The following PRELID2 variants were observed in gnomAD, a reference collection of about 807,000 sequenced individuals.
PRELID2 encodes the protein PRELI domain-containing protein 2.
In PRELID2, 25 loss-of-function variants were observed where a neutral mutation model predicts 28.4. That is an observed-to-expected ratio of 0.88 (90% CI 0.64 to 1.23). The LOEUF is 1.23. Ranked by LOEUF, PRELID2 falls within the 50% of genes most tolerant of loss-of-function variation. PRELID2 has a pLI of 0.00. For missense variants in PRELID2, 201 were observed against 214.4 expected (o/e 0.94, Z 0.39); for synonymous variants, 76 against 71.6 (o/e 1.06, Z -0.31).
At chr5:145,391,582 C>T in the PRELID2 span, among the ~76,000 whole-genome samples, 1 of 152,136 alleles carries the variant, frequency 6.6e-6, no homozygotes, top group Non-Finnish European at 1.5e-5. Flanking sequence ...TCTGACATGC[C>T]CTGGAGATAT....
intron 1 of PRELID2, among the ~76,000 whole-genome samples, chr5:145,569,274 T>C (rs1752996686): frequency 1.3e-5 from 2 of 152,238 alleles, no homozygotes; most frequent in Non-Finnish European, 2.9e-5. Flanking sequence ...ACTTATTACT[T>C]GATTGGCAGT....
chr5:145,294,919 G>A, the PRELID2 span, among the ~76,000 whole-genome samples: 1 of 152,236 alleles, frequency 6.6e-6, no homozygotes. Context: ...TGAGAAGGTT[G>A]CTGTCCAAAC....
intron 1 of PRELID2, among the ~76,000 whole-genome samples, chr5:145,684,268 G>C (rs1029701558): frequency 6.6e-5 from 10 of 152,186 alleles, no homozygotes; most frequent in African/African-American, 1.2e-4. Context: ...TTTGGTTCTA[G>C]TCCAGGCTCA....
chr5:145,341,750 C>T, the PRELID2 span, among the ~76,000 whole-genome samples: 1 of 149,784 alleles, frequency 6.7e-6, no homozygotes, highest in African/African-American at 2.5e-5. Flanking sequence ...GCATTTGTAA[C>T]ATTTGGGACA....
intron 1 of PRELID2, among the ~76,000 whole-genome samples, chr5:145,570,689 G>T (rs1416071257): frequency 6.6e-6 from 1 of 152,110 alleles, no homozygotes; most frequent in African/African-American, 2.4e-5. Context: ...CACTTGTCCA[G>T]CTATCACTAT....
chr5:145,422,409 T>G, the PRELID2 span, among the ~76,000 whole-genome samples: 23 of 152,196 alleles, frequency 1.5e-4, no homozygotes, highest in Non-Finnish European at 2.6e-4. Context: ...TTGTGAATCT[T>G]GGTGCTCCTG....
Position 145,654,333 on chromosome 5 carries a change from G to A in PRELID2, n.70+110598C>T, listed in dbSNP as rs546378681. Reference sequence around the variant, plus strand: ...CTACCAGATGTACAAGGAGTAGCTGGTACCATTACTTCTGAAAATATTCCA... The same window carrying A: ...CTACCAGATGTACAAGGAGTAGCTGATACCATTACTTCTGAAAATATTCCA... On this transcript the variant is annotated intron_variant and non_coding_transcript_variant, in intron 1 of 2. Coordinates refer to the PRELID2 transcript ENST00000510259. 2.7e-3 allele frequency among the ~76,000 whole-genome samples: 417 copies of A among 152,300 alleles called. 1 individual carries two copies. Among genetic ancestry groups the A allele is most frequent in the Non-Finnish European group, 4.9e-3 (334 of 68,036 alleles).
intron 1 of PRELID2, among the ~76,000 whole-genome samples, chr5:145,591,157 A>C (rs1753221250): frequency 6.6e-6 from 1 of 152,002 alleles, no homozygotes; most frequent in Non-Finnish European, 1.5e-5. Flanking sequence ...TTAGCTGGGC[A>C]TGGTAGCGCA....
At chr5:145,575,406 T>C (rs1039906219) in intron 1 of PRELID2, among the ~76,000 whole-genome samples, 4 of 152,184 alleles carry the variant, frequency 2.6e-5, no homozygotes, top group Non-Finnish European at 1.5e-5. Context: ...GAATTGCTCT[T>C]AGATTATGTG....
At chr5:145,587,637 C>T (rs962204234) in intron 1 of PRELID2, among the ~76,000 whole-genome samples, 1 of 152,112 alleles carries the variant, frequency 6.6e-6, no homozygotes, top group Non-Finnish European at 1.5e-5. Context: ...CATAATACTT[C>T]ATACTCAATT....
chr5:145,633,812 T>C (rs1753964762), intron 1 of PRELID2, among the ~76,000 whole-genome samples: 2 of 152,292 alleles, frequency 1.3e-5, no homozygotes, highest in Non-Finnish European at 2.9e-5. Flanking sequence ...TAGGCAAATG[T>C]GGATCTCTTA....
the PRELID2 span, among the ~76,000 whole-genome samples, chr5:145,448,055 C>T: frequency 1.3e-5 from 2 of 152,078 alleles, no homozygotes; most frequent in African/African-American, 2.4e-5. Flanking sequence ...ACACTGACTT[C>T]CACAATGGTT....
Position 145,638,126 on chromosome 5 carries a change from A to G in PRELID2, n.70+126805T>C, listed in dbSNP as rs561712852. Among the ~76,000 whole-genome samples, 3 of 152,222 alleles carry G rather than the reference A, an allele frequency of 2.0e-5. No homozygotes were observed. The South Asian group carries it at 6.2e-4, about 32-fold the overall frequency. ...GCTCCCAGCCAACCATTCTTAATATACTTCACAACTGTCAGTTTCCTCATT... is the reference window on the plus strand; with the variant it reads ...GCTCCCAGCCAACCATTCTTAATATGCTTCACAACTGTCAGTTTCCTCATT... On this transcript the variant is annotated intron_variant and non_coding_transcript_variant, in intron 1 of 2. Transcript: ENST00000510259.
At chr5:145,368,467 T>C in the PRELID2 span, among the ~76,000 whole-genome samples, 2 of 151,912 alleles carry the variant, frequency 1.3e-5, no homozygotes, top group Non-Finnish European at 2.9e-5. Context: ...CCCACGTCAC[T>C]GAAAATGGAA....
the PRELID2 span, among the ~76,000 whole-genome samples, chr5:145,430,610 A>G: frequency 2.6e-5 from 4 of 152,142 alleles, no homozygotes; most frequent in Non-Finnish European, 5.9e-5. Context: ...ATACTTGTCC[A>G]TGTCTATGCC....
At chr5:145,466,203 A>G in the PRELID2 span, among the ~76,000 whole-genome samples, 3 of 152,164 alleles carry the variant, frequency 2.0e-5, no homozygotes, top group East Asian at 5.8e-4. Context: ...ATCTAAAAAG[A>G]TACTCTCCAT....
chr5:145,820,123 GTTTTT>G (rs74273635), intron 2 of PRELID2, 105 bp from the exon 3 acceptor site: 96,133 of 263,922 alleles, frequency 0.36, 9,398 homozygotes, highest in Admixed American at 0.41. Flanking sequence ...TTTGTTTTTT[GTTTTT>G]TTTTTTTGAG....
At chr5:145,554,633 A>G (rs1752865081) in intron 1 of PRELID2, among the ~76,000 whole-genome samples, 2 of 152,192 alleles carry the variant, frequency 1.3e-5, no homozygotes, top group South Asian at 4.1e-4. Context: ...TAACCACACA[A>G]TGTGTGTAAT....
chr5:145,530,960 T>TCCA (rs1752650170), intron 1 of PRELID2, among the ~76,000 whole-genome samples: 1 of 152,172 alleles, frequency 6.6e-6, no homozygotes, highest in Admixed American at 6.6e-5. Flanking sequence ...CAAAGTCCTC[T>TCCA]CCAGGTCCTG....
Sources: gnomAD v4.1 joint callset for allele counts (sites outside exome capture counted in the v4.1 genomes callset) on GRCh38, gnomAD v4.1.1 for gene constraint, MANE v1.5 for transcripts, NCBI Gene and HGNC (gene_info 2026-07-23, HGNC 2026-07-21) for gene names.